Variants in NUDT12 observed in about 807,000 individuals in gnomAD.
The protein encoded by NUDT12 is NAD-capped RNA hydrolase NUDT12.
NUDT12 carries 42 observed loss-of-function variants against 45.7 expected under a neutral mutation model. The observed-to-expected ratio is 0.92, with a 90% confidence interval of 0.72 to 1.19. The LOEUF (loss-of-function observed/expected upper bound fraction) is 1.19, where lower values mean the gene tolerates loss of function less well. NUDT12 is among the 50% of genes most tolerant of loss of function. The pLI, the probability that NUDT12 is intolerant of heterozygous loss-of-function variation, is 0.00. For synonymous variants in NUDT12, 206 were observed against 179.7 expected (o/e 1.15, Z -1.17); for missense variants, 590 against 533.1 (o/e 1.11, Z -1.05).
rs912220563 is a variant in NUDT12, at chr5:103,550,738, G to A, written c.*123C>T. The A allele has an allele frequency of 3.1e-5, 19 of 619,348 alleles. No individual in the cohort carries two copies. Among genetic ancestry groups the A allele is most frequent in the Admixed American group, 1.5e-4 (5 of 34,322 alleles). 38.4% of individuals were successfully genotyped at this position (619,348 alleles called of 1,614,324 possible). The stretch of plus-strand genomic sequence containing the variant: ...AGACAGAACACTTTGAAAATATTTC[G>A]AAAACCCAACATCGTATTTTGTGTT... On this transcript the variant is annotated 3_prime_UTR_variant, in exon 7 of 7. Transcript: ENST00000230792.
At chr5:103,562,349 G>A (rs532121358) in intron 1 of NUDT12, among the ~76,000 whole-genome samples, 28 of 152,168 alleles carry the variant, frequency 1.8e-4, no homozygotes, top group African/African-American at 6.0e-4. Flanking sequence ...AGTGCCACCC[G>A]TGCACGGTCT....
rs1254902145 is a variant in NUDT12, at chr5:103,559,254, C to T, written c.421G>A (p.Ala141Thr). 2 of 1,589,408 alleles carry T rather than the reference C, an allele frequency of 1.3e-6. No individual in the cohort carries two copies. Among genetic ancestry groups the T allele is most frequent in the Admixed American group, 1.8e-5 (1 of 56,008 alleles). Reference protein sequence around the residue: ...EKRNNSDWLLAKESHPATVFI... With the variant: ...EKRNNSDWLLTKESHPATVFI... The stretch of plus-strand genomic sequence containing the variant: ...ACTGTGGCTGGATGGCTTTCTTTAG[C>T]TAGCAGCCAGTCAGAATTATTTCTC... Residue 141 changes from alanine to threonine, a missense_variant, in exon 3 of 7, where the codon GCT (alanine) becomes ACT (threonine). Physicochemically the swap from Ala to Thr is moderately conservative, Grantham distance 58. Coordinates refer to ENST00000230792, the MANE Select transcript of NUDT12 (RefSeq NM_031438.4).
intron 4 of NUDT12, 91 bp downstream of exon 4, chr5:103,555,840 G>C: frequency 1.1e-6 from 1 of 904,064 alleles, no homozygotes; most frequent in Non-Finnish European, 1.6e-6. Flanking sequence ...CCATAAAAAG[G>C]AAAACTCTTT....
chr5:103,552,543 G>T (rs1748689413), intron 5 of NUDT12, 127 bp from the exon 6 acceptor site: 6 of 662,094 alleles, frequency 9.1e-6, no homozygotes, highest in Non-Finnish European at 1.5e-5. Context: ...GAAAGCAGAA[G>T]CCTAAAACTA....
At chr5:103,551,097 A>C in intron 6 of NUDT12, 126 bp from the exon 7 acceptor site, 1 of 666,424 alleles carries the variant, frequency 1.5e-6, no homozygotes, top group Non-Finnish European at 2.5e-6. Flanking sequence ...GTAGAAAGTG[A>C]CAACATCCAT....
chr5:103,559,379 G>A lies in NUDT12; in HGVS notation c.296C>T (p.Ala99Val), dbSNP rs756370504. The part of the protein sequence containing the change: ...WGYKHIANLL[A>V]TAKGGKKPWF... Reference sequence around the variant, plus strand: ...AGGCTTCTTCCCACCTTTAGCAGTAGCTAGTAAATTAGCTATATGCTTATA... The same window carrying A: ...AGGCTTCTTCCCACCTTTAGCAGTAACTAGTAAATTAGCTATATGCTTATA... Residue 99 changes from alanine (A) to valine (V), a missense_variant, in exon 3 of 7, where the codon GCT (alanine) becomes GTT (valine). Coordinates refer to ENST00000230792, the MANE Select transcript of NUDT12 (RefSeq NM_031438.4). The A allele has an allele frequency of 6.2e-7, 1 of 1,612,888 alleles. No individual in the cohort carries two copies. The highest frequency in any genetic ancestry group is 8.5e-7 in the Non-Finnish European group (1 of 1,179,434).
chr5:103,562,732 G>A lies in NUDT12; in HGVS notation c.-36C>T, dbSNP rs1580701043. The A allele has an allele frequency of 7.0e-6, 1 of 143,586 alleles. No homozygotes were observed. The highest frequency in any genetic ancestry group is 7.3e-5 in the Admixed American group (1 of 13,722). 8.9% of individuals were successfully genotyped at this position (143,586 alleles called of 1,614,324 possible). A position where few individuals can be genotyped will look rare whatever the true frequency, so the allele number is the denominator to read the frequency against. On this transcript the variant is annotated 5_prime_UTR_variant, in exon 1 of 7. Transcript: ENST00000230792. Reference sequence around the variant, plus strand: ...AGGTGACCACAGTAGAGGCAACCAGGATGCAGTCCAAAGATTGGGATATCC... The same window carrying A: ...AGGTGACCACAGTAGAGGCAACCAGAATGCAGTCCAAAGATTGGGATATCC...
chr5:103,559,356 G>T lies in NUDT12; in HGVS notation c.319C>A (p.Pro107Thr). 1 of 1,613,464 alleles carries T rather than the reference G, an allele frequency of 6.2e-7. No homozygotes were observed. Among genetic ancestry groups the T allele is most frequent in the Non-Finnish European group, 8.5e-7 (1 of 1,179,592 alleles). The change falls in exon 3 of 7, where the codon CCT (proline) becomes ACT (threonine). Residue 107 changes from proline (P) to threonine (T), a missense_variant. Transcript: ENST00000230792. ...LLATAKGGKK[P>T]WFLTNEVEEC... Reference sequence around the variant, plus strand: ...TCCACTTCATTCGTTAGGAACCAAGGCTTCTTCCCACCTTTAGCAGTAGCT... The same window carrying T: ...TCCACTTCATTCGTTAGGAACCAAGTCTTCTTCCCACCTTTAGCAGTAGCT...
chr5:103,549,510 T>C lies in NUDT12; in HGVS notation c.*1351A>G, dbSNP rs1748586351. ...TATATATATTTTTAGTAATAGCTTC[T>C]AGTTCCTTTTACAGGGAGAATCGTC... On this transcript the variant is annotated 3_prime_UTR_variant, in exon 7 of 7. Coordinates refer to ENST00000230792, the MANE Select transcript of NUDT12 (RefSeq NM_031438.4). The C allele has an allele frequency of 6.6e-6, 1 of 152,012 alleles. No homozygotes were observed. The highest frequency in any genetic ancestry group is 1.5e-5 in the Non-Finnish European group (1 of 67,902). The allele number at this position is 152,012 out of a possible 1,614,324, so 9.4% of individuals were successfully genotyped here.
rs369466262 is a variant in NUDT12 at position 103,560,122 on chromosome 5, A to T, written c.127T>A (p.Ser43Thr). 3 of 1,613,834 alleles carry T rather than the reference A, an allele frequency of 1.9e-6. No individual in the cohort carries two copies. In the African/African-American group the frequency reaches 4.0e-5, roughly 22 times the overall value. Residue 43 changes from serine (S) to threonine (T), a missense_variant, in exon 2 of 7, where the codon TCT (serine) becomes ACT (threonine). Physicochemically the swap from Ser to Thr is moderately conservative, Grantham distance 58. Transcript: ENST00000230792. The stretch of plus-strand genomic sequence containing the variant: ...ATTAAAGCAGTCCAGCCATTTTCAG[A>T]AGTTTCATTGAGAAGAGATGGAGAA... ...SHSPSLLNET[S>T]ENGWTALMYA...
chr5:103,554,581 T>C, intron 5 of NUDT12, 159 bp downstream of exon 5: 1 of 352,624 alleles, frequency 2.8e-6, no homozygotes, highest in Non-Finnish European at 5.1e-6. Flanking sequence ...AACATGAGAA[T>C]TACATGTTTA....
chr5:103,558,136 T>C (rs551418080), intron 3 of NUDT12, among the ~76,000 whole-genome samples: 69 of 152,190 alleles, frequency 4.5e-4, no homozygotes, highest in African/African-American at 1.6e-3. Flanking sequence ...CAAAGACCAG[T>C]GATTTTCTCT....
At chr5:103,551,172 T>C (rs1748644158) in intron 6 of NUDT12, among the ~76,000 whole-genome samples, 1 of 151,472 alleles carries the variant, frequency 6.6e-6, no homozygotes, top group East Asian at 1.9e-4. Flanking sequence ...CAGACTGGAG[T>C]TGCAGTGGTG....
rs1748564824 is a variant in NUDT12 at position 103,548,890 on chromosome 5, T to A, written c.*1971A>T. ...AAATTTAATGTATTATTACATTCAT[T>A]TCCAGTAGAATACATTCACGGCACT... On this transcript the variant is annotated 3_prime_UTR_variant, in exon 7 of 7. Transcript: ENST00000230792. The A allele has an allele frequency of 6.6e-6, 1 of 152,178 alleles. No homozygotes were observed. Among genetic ancestry groups the A allele is most frequent in the East Asian group, 1.9e-4 (1 of 5,200 alleles). The allele number at this position is 152,178 out of a possible 1,614,324, so 9.4% of individuals were successfully genotyped here. A position where few individuals can be genotyped will look rare whatever the true frequency, so the allele number is the denominator to read the frequency against.
Position 103,550,964 on chromosome 5 carries a change from T to C in NUDT12, c.1286A>G (p.Asp429Gly), listed in dbSNP as rs747246741. 1.9e-6 allele frequency: 3 copies of C among 1,612,870 alleles called. No individual in the cohort carries two copies. Among genetic ancestry groups the C allele is most frequent in the African/African-American group, 2.7e-5 (2 of 74,876 alleles). ...ARWFTREQVL[D>G]VLTKGKQQAF... ...CTGCTGCTTCCCTTTGGTCAGAACA[T>C]CCAGGACCTAAAACACACCATAATA... Residue 429 changes from aspartate (D) to glycine (G), a missense_variant, in exon 7 of 7, where the codon GAT (aspartate) becomes GGT (glycine). By Grantham distance (94) the Asp-to-Gly change is moderately conservative. Coordinates refer to ENST00000230792, the MANE Select transcript of NUDT12 (RefSeq NM_031438.4).
At chr5:103,555,074 T>C (rs1052211500) in intron 4 of NUDT12, among the ~76,000 whole-genome samples, 1 of 152,032 alleles carries the variant, frequency 6.6e-6, no homozygotes, top group Non-Finnish European at 1.5e-5. Flanking sequence ...GGAAGACCAT[T>C]TTTGTCCTTC....
At chr5:103,556,308 C>T (rs1226817970) in intron 3 of NUDT12, among the ~76,000 whole-genome samples, 1 of 151,824 alleles carries the variant, frequency 6.6e-6, no homozygotes, top group Non-Finnish European at 1.5e-5. Flanking sequence ...TAAAATATAA[C>T]TTTCATATAA....
chr5:103,554,219 G>A (rs995890801), intron 5 of NUDT12, among the ~76,000 whole-genome samples: 2 of 152,168 alleles, frequency 1.3e-5, no homozygotes, highest in South Asian at 4.1e-4. Context: ...TACAGCAGTG[G>A]ATAAAATAAA....
chr5:103,558,723 C>T (rs1216278054), intron 3 of NUDT12, among the ~76,000 whole-genome samples, 156 bp downstream of exon 3: 3 of 152,058 alleles, frequency 2.0e-5, no homozygotes, highest in Non-Finnish European at 4.4e-5. Context: ...GGAGAGTAGT[C>T]CCCTAGGGTG....
Sources: gnomAD v4.1 joint callset for allele counts (sites outside exome capture counted in the v4.1 genomes callset) on GRCh38, gnomAD v4.1.1 for gene constraint, MANE v1.5 for transcripts, NCBI Gene and HGNC (gene_info 2026-07-23, HGNC 2026-07-21) for gene names.